SEZ6: variants seen among roughly 807,000 people sequenced by gnomAD.
SEZ6 encodes seizure protein 6 homolog.
Under a neutral mutation model 101.0 loss-of-function variants are expected in SEZ6, and 53 were observed. The observed-to-expected ratio is 0.52, with a 90% CI of 0.42 to 0.66. The LOEUF (loss-of-function observed/expected upper bound fraction) is 0.66, where lower values mean the gene tolerates loss of function less well. SEZ6 is among the 30% of genes least tolerant of loss of function. SEZ6 has a pLI of 0.00. For missense variants in SEZ6, 1,102 were observed against 1,289.4 expected, an observed-to-expected ratio of 0.85 and a Z score of 2.23; for synonymous variants, 488 against 512.2, an observed-to-expected ratio of 0.95 and a Z score of 0.64.
intron 4 of SEZ6, among the ~76,000 whole-genome samples, chr17:28,966,035 C>A (rs562570348): frequency 8.6e-5 from 13 of 150,422 alleles, no homozygotes; most frequent in Admixed American, 4.6e-4. Flanking sequence ...CCCAGCTACT[C>A]GGGAGGCTGA....
At position 28,960,722 on chromosome 17, in the gene SEZ6, G is replaced by T; in HGVS notation, c.1410-51C>A. The T allele has an allele frequency of 1.9e-6, 3 of 1,612,156 alleles. No individual in the cohort carries two copies. In the South Asian group the frequency reaches 3.3e-5, roughly 18 times the overall value. On this transcript the variant is annotated intron_variant, in intron 6 of 16. Transcript: ENST00000317338. ...TAGGCTGGTGGCTGACCCAGATGGGGTGTGGCCCCAGGCTTGGGTAGCGTC... is the reference window on the plus strand; with the variant it reads ...TAGGCTGGTGGCTGACCCAGATGGGTTGTGGCCCCAGGCTTGGGTAGCGTC...
chr17:28,957,575 G>A (rs1301302062), intron 11 of SEZ6, 36 bp from the exon 12 acceptor site: 1 of 1,585,920 alleles, frequency 6.3e-7, no homozygotes, highest in African/African-American at 1.3e-5. Context: ...AGTAGCCCAA[G>A]GAGAACTAAG....
chr17:29,005,705 G>T lies in SEZ6; in HGVS notation c.55+110C>A. 8.5e-7 allele frequency: 1 copy of T among 1,176,804 alleles called. No individual in the cohort carries two copies. The highest frequency in any genetic ancestry group is 1.7e-5 in the South Asian group (1 of 60,484). 72.9% of individuals were successfully genotyped at this position (1,176,804 alleles called of 1,614,324 possible). A position where few individuals can be genotyped will look rare whatever the true frequency, so the allele number is the denominator to read the frequency against. On this transcript the variant is annotated intron_variant, in intron 1 of 16. Transcript: ENST00000317338. This position sits in a 1 kb window ranked among gnomAD's most constrained non-coding sequence, Gnocchi z 4.8. The stretch of plus-strand genomic sequence containing the variant: ...GGGGCAGCGCAGCCGGCGGGGCGCG[G>T]TGCTTGGACTGGGCAGCCAGATGCC...
intron 4 of SEZ6, among the ~76,000 whole-genome samples, chr17:28,969,003 C>T (rs2152686095): frequency 6.6e-6 from 1 of 152,332 alleles, no homozygotes; most frequent in Non-Finnish European, 1.5e-5. Flanking sequence ...ATGTGCTAAG[C>T]ACTTGACATG....
At chr17:28,966,823 A>G (rs902890525) in intron 4 of SEZ6, among the ~76,000 whole-genome samples, 4 of 152,230 alleles carry the variant, frequency 2.6e-5, no homozygotes, top group Admixed American at 6.5e-5. Context: ...TTTGAGTTTT[A>G]TGACTTTCAC....
intron 1 of SEZ6, among the ~76,000 whole-genome samples, chr17:29,002,163 G>A (rs2041623659): frequency 6.6e-6 from 1 of 151,808 alleles, no homozygotes; most frequent in South Asian, 2.1e-4. Context: ...CCCAGGTGGG[G>A]GCACAGCATT....
At chr17:28,981,021 G>A (rs569477871) in intron 2 of SEZ6, among the ~76,000 whole-genome samples, 102 of 152,110 alleles carry the variant, frequency 6.7e-4, no homozygotes, top group African/African-American at 2.4e-3. Flanking sequence ...TCAGCCTCCC[G>A]AGTAGCTGGG....
At chr17:28,992,465 C>T (rs1734423902) in intron 1 of SEZ6, among the ~76,000 whole-genome samples, 1 of 152,160 alleles carries the variant, frequency 6.6e-6, no homozygotes, top group Non-Finnish European at 1.5e-5. Flanking sequence ...TGCCACAAGT[C>T]ACTACCATGT....
intron 1 of SEZ6, among the ~76,000 whole-genome samples, chr17:28,982,874 A>G (rs1567996273): frequency 6.6e-6 from 1 of 151,958 alleles, no homozygotes; most frequent in Admixed American, 6.6e-5. Flanking sequence ...AGATCTCACT[A>G]TGTTGTCTGG....
chr17:28,988,603 A>G (rs998750972), intron 1 of SEZ6, among the ~76,000 whole-genome samples: 19 of 152,126 alleles, frequency 1.2e-4, no homozygotes, highest in Non-Finnish European at 2.5e-4. Flanking sequence ...ATGGGTCCCC[A>G]TTGCCCCGGA....
At chr17:28,976,494 C>A (rs1264600475) in intron 3 of SEZ6, among the ~76,000 whole-genome samples, 1 of 152,138 alleles carries the variant, frequency 6.6e-6, no homozygotes, top group Admixed American at 6.5e-5. Context: ...CCTGAGTGAT[C>A]CCAGTGAATT....
rs1358329615 is a variant in SEZ6, at chr17:28,960,272, C to A, written c.1576+233G>T. ...CTTTTCAAAATCTGGAGAATTTATT[C>A]CCTTGGACCATAGGGCCTGGGTCCA... On this transcript the variant is annotated intron_variant, in intron 7 of 16. Transcript: ENST00000317338. 1.1e-5 allele frequency: 7 copies of A among 620,270 alleles called. No homozygotes were observed. In the East Asian group the frequency reaches 2.0e-4, roughly 17 times the overall value. 38.4% of individuals were successfully genotyped at this position (620,270 alleles called of 1,614,324 possible).
At chr17:28,983,518 A>C (rs145371661) in intron 1 of SEZ6, among the ~76,000 whole-genome samples, 1 of 152,250 alleles carries the variant, frequency 6.6e-6, no homozygotes, top group African/African-American at 2.4e-5. Flanking sequence ...CTGATTTGCT[A>C]TCTCTGGTCT....
At chr17:28,986,955 T>C (rs1421368154) in intron 1 of SEZ6, among the ~76,000 whole-genome samples, 1 of 152,174 alleles carries the variant, frequency 6.6e-6, no homozygotes, top group African/African-American at 2.4e-5. Context: ...CTCTGGCCCC[T>C]CTGAGGTGGG....
intron 1 of SEZ6, among the ~76,000 whole-genome samples, chr17:28,984,328 G>T (rs2088537310): frequency 6.6e-6 from 1 of 152,232 alleles, no homozygotes; most frequent in South Asian, 2.1e-4. Context: ...CATGGCGCAA[G>T]GAAGGGGGGC....
chr17:28,996,144 C>A (rs1465287008), intron 1 of SEZ6, among the ~76,000 whole-genome samples: 1 of 145,404 alleles, frequency 6.9e-6, no homozygotes, highest in Non-Finnish European at 1.5e-5. Flanking sequence ...GGGACTACAG[C>A]GGGTGCCTGT....
chr17:28,956,058 G>A (rs2040872995), intron 16 of SEZ6, 64 bp from the exon 17 acceptor site: 1 of 1,604,344 alleles, frequency 6.2e-7, no homozygotes, highest in Admixed American at 1.7e-5. Flanking sequence ...CTAGGAAAAG[G>A]GAAAAAGTGA....
At chr17:28,961,951 G>A (rs2040985194) in intron 5 of SEZ6, among the ~76,000 whole-genome samples, 1 of 152,180 alleles carries the variant, frequency 6.6e-6, no homozygotes, top group Non-Finnish European at 1.5e-5. Flanking sequence ...TCTGCAGAAA[G>A]GACAGACCTG....
At chr17:28,957,014 G>A (rs1236489824) in intron 13 of SEZ6, 31 bp downstream of exon 13, 13 of 1,542,664 alleles carry the variant, frequency 8.4e-6, no homozygotes, top group Non-Finnish European at 1.1e-5. Flanking sequence ...TATGGGCCAG[G>A]GAGGGTTTTG....
Sources: gnomAD v4.1 joint callset for allele counts (sites outside exome capture counted in the v4.1 genomes callset) on GRCh38, gnomAD v4.1.1 for gene constraint, Gnocchi (gnomAD v3.1) non-coding constraint, MANE v1.5 for transcripts, NCBI Gene and HGNC (gene_info 2026-07-23, HGNC 2026-07-21) for gene names.